Variants in MCC observed in about 807,000 individuals in gnomAD.
MCC encodes the protein MCC regulator of Wnt signaling pathway.
MCC carries 90 observed loss-of-function variants against 116.2 expected under a neutral mutation model. The ratio of observed to expected loss-of-function variants is 0.77; its 90% confidence interval spans 0.65 to 0.92. The LOEUF (loss-of-function observed/expected upper bound fraction) is 0.92, where lower values mean the gene tolerates loss of function less well. Among genes scored for constraint, MCC ranks in the 40% least tolerant of loss-of-function variants. The pLI is 0.00. For synonymous variants in MCC, 578 were observed against 510.5 expected (o/e 1.13, Z -1.78); for missense variants, 1,516 against 1,312.2 (o/e 1.16, Z -2.40).
chr5:113,244,127 T>C (rs757326784), intron 3 of MCC, among the ~76,000 whole-genome samples: 2 of 152,220 alleles, frequency 1.3e-5, no homozygotes, highest in Non-Finnish European at 2.9e-5. Flanking sequence ...ATCTACATAA[T>C]TGATTCTAAT....
chr5:113,433,197 AGT>A (rs1228770455), intron 1 of MCC: 2 of 176,796 alleles, frequency 1.1e-5, no homozygotes, highest in Non-Finnish European at 2.4e-5. Flanking sequence ...TGCCGCCGAG[AGT>A]GCCCGCGAGC....
intron 3 of MCC, among the ~76,000 whole-genome samples, chr5:113,302,475 T>C (rs1466761052): frequency 1.3e-5 from 2 of 152,176 alleles, no homozygotes; most frequent in African/African-American, 4.8e-5. Flanking sequence ...ATTGTGAAAA[T>C]TACATATTAT....
At chr5:113,240,670 A>C (rs1408272770) in intron 3 of MCC, among the ~76,000 whole-genome samples, 2 of 152,306 alleles carry the variant, frequency 1.3e-5, no homozygotes, top group South Asian at 4.1e-4. Context: ...GTCTAATGCC[A>C]ACTGTAACAG....
chr5:113,469,478 T>C (rs1289651559), intron 1 of MCC, among the ~76,000 whole-genome samples: 3 of 152,210 alleles, frequency 2.0e-5, no homozygotes, highest in Non-Finnish European at 4.4e-5. Context: ...TCAGTTTCCA[T>C]GTAGTTGTGC....
intron 5 of MCC, among the ~76,000 whole-genome samples, chr5:113,126,550 A>T (rs1190622799): frequency 6.6e-6 from 1 of 152,204 alleles, no homozygotes; most frequent in East Asian, 1.9e-4. Flanking sequence ...GACAACTTGA[A>T]AAAAACTCAG....
chr5:113,074,968 C>A (rs114163966), intron 11 of MCC, among the ~76,000 whole-genome samples: 1 of 152,182 alleles, frequency 6.6e-6, no homozygotes, highest in African/African-American at 2.4e-5. Context: ...GCTCAAGGAG[C>A]GCTTCAGCCC....
chr5:113,090,930 G>C (rs1239316560), intron 8 of MCC, among the ~76,000 whole-genome samples: 1 of 152,232 alleles, frequency 6.6e-6, no homozygotes, highest in Non-Finnish European at 1.5e-5. Flanking sequence ...GAAGGCTGAA[G>C]GAGTTGCCAG....
intron 1 of MCC, among the ~76,000 whole-genome samples, chr5:113,408,239 C>A (rs1164516315): frequency 1.3e-5 from 2 of 152,114 alleles, no homozygotes; most frequent in African/African-American, 4.8e-5. Flanking sequence ...ACTTCTGGAG[C>A]AACAAAAATA....
intron 1 of MCC, among the ~76,000 whole-genome samples, chr5:113,475,129 A>T (rs1019196820): frequency 6.6e-6 from 1 of 152,226 alleles, no homozygotes; most frequent in Non-Finnish European, 1.5e-5. Context: ...TAAATAATAG[A>T]CAACAGGTGT....
intron 1 of MCC, among the ~76,000 whole-genome samples, chr5:113,401,359 G>A (rs996811101): frequency 2.0e-5 from 3 of 152,136 alleles, no homozygotes; most frequent in African/African-American, 7.2e-5. Flanking sequence ...AAAGGTAGAA[G>A]ATAAAGCAAA....
At chr5:113,333,599 C>T (rs963754593) in intron 3 of MCC, among the ~76,000 whole-genome samples, 6 of 150,522 alleles carry the variant, frequency 4.0e-5, no homozygotes, top group African/African-American at 7.4e-5. Flanking sequence ...GAAAAGACAG[C>T]CTTGAGCAGC....
intron 2 of MCC, among the ~76,000 whole-genome samples, chr5:113,342,860 G>A (rs568586030): frequency 2.6e-4 from 39 of 152,292 alleles, no homozygotes; most frequent in African/African-American, 8.2e-4. Context: ...TGCTCAAAAG[G>A]CCTAGGCAGC....
intron 16 of MCC, among the ~76,000 whole-genome samples, chr5:113,046,240 T>TGC: frequency 6.6e-6 from 1 of 152,130 alleles, no homozygotes; most frequent in Non-Finnish European, 1.5e-5. Flanking sequence ...TCGCCCAGGC[T>TGC]GTGGTGCGGC....
chr5:113,470,962 T>C (rs1313966251), intron 1 of MCC, among the ~76,000 whole-genome samples: 1 of 152,242 alleles, frequency 6.6e-6, no homozygotes, highest in Admixed American at 6.5e-5. Context: ...TTTCTTCCAG[T>C]TGATTGCATC....
rs138320696 is a variant in MCC, at chr5:113,363,018, G to A, written c.415+21950C>T. 8.7e-3 allele frequency among the ~76,000 whole-genome samples: 1,321 copies of A among 152,138 alleles called. 24 individuals carry two copies. Among genetic ancestry groups the A allele is most frequent in the African/African-American group, 0.03 (1,264 of 41,468 alleles). Reference sequence around the variant, plus strand: ...AACCTGGCCAGGTGCAGTGGCTCATGCCTGTAATCCCAGCACTTTGGGAGA... The same window carrying A: ...AACCTGGCCAGGTGCAGTGGCTCATACCTGTAATCCCAGCACTTTGGGAGA... On this transcript the variant is annotated intron_variant, in intron 2 of 18. Coordinates refer to ENST00000408903, the MANE Select transcript of MCC (RefSeq NM_001085377.2).
intron 1 of MCC, among the ~76,000 whole-genome samples, chr5:113,425,933 C>G (rs896695946): frequency 6.6e-6 from 1 of 151,922 alleles, no homozygotes; most frequent in Non-Finnish European, 1.5e-5. Flanking sequence ...TACTCTGAAG[C>G]CATGGCAATA....
intron 2 of MCC, among the ~76,000 whole-genome samples, chr5:113,345,365 T>C (rs1768109667): frequency 6.6e-6 from 1 of 152,224 alleles, no homozygotes; most frequent in African/African-American, 2.4e-5. Flanking sequence ...CACATAATCC[T>C]GGCTGGTTTC....
intron 3 of MCC, among the ~76,000 whole-genome samples, chr5:113,288,086 C>A (rs979206920): frequency 2.0e-5 from 3 of 152,236 alleles, no homozygotes; most frequent in Non-Finnish European, 4.4e-5. Flanking sequence ...TCTACTGCAC[C>A]TGATCCACTG....
chr5:113,092,665 A>C (rs57876684), intron 8 of MCC, among the ~76,000 whole-genome samples: 8,552 of 152,310 alleles, frequency 0.056, 292 homozygotes, highest in East Asian at 0.11. Flanking sequence ...AAGAAAATTA[A>C]ACCTGAGAAA....
Sources: allele counts gnomAD v4.1 joint callset (sites outside exome capture counted in the v4.1 genomes callset), GRCh38; gene constraint gnomAD v4.1.1; transcripts MANE v1.5; gene names NCBI Gene and HGNC (gene_info 2026-07-23, HGNC 2026-07-21).